KLF18: variants seen among roughly 807,000 people sequenced by gnomAD.
KLF18 encodes KLF transcription factor 18, also known as Kruppel-like factor 18.
Position 44,141,048 on chromosome 1 carries a change from G to A in KLF18, c.584C>T (p.Thr195Ile), listed in dbSNP as rs967054253. The A allele has an allele frequency of 2.3e-5, 9 of 398,416 alleles. No individual in the cohort carries two copies. The highest frequency in any genetic ancestry group is 4.0e-5 in the Non-Finnish European group (9 of 226,156). The allele number at this position is 398,416 out of a possible 1,614,324, so 24.7% of individuals were successfully genotyped here. Residue 195 changes from threonine to isoleucine, a missense_variant, in exon 1 of 2, where the codon ACT (threonine) becomes ATT (isoleucine). Thr to Ile is a moderately conservative substitution (Grantham distance 89). Transcript: ENST00000634670. ...ACCGGAAGTCACTGTATGACCATCA[G>A]TGAGGGTCTGGTCACTACTGAAGGT... ...QVTFSSDQTL[T>I]DGHTVTSGSD...
At position 44,140,318 on chromosome 1, in the gene KLF18, AGTG is replaced by A; in HGVS notation, c.1311_1313del (p.Thr438del). ...GCTCTCCACAGAGGTTCTGGTTACC[AGTG>A]GAGGTCGTCATCTGCCCTCCACAGA... is the stretch of plus-strand genomic sequence containing the variant. On this transcript the variant is annotated inframe_deletion, in exon 1 of 2. Coordinates refer to ENST00000634670, the MANE Select transcript of KLF18 (RefSeq NM_001358438.1). 2.1e-5 allele frequency: 6 copies of A among 281,660 alleles called. No individual in the cohort carries two copies. Among genetic ancestry groups the A allele is most frequent in the Non-Finnish European group, 3.0e-5 (5 of 166,638 alleles). 17.4% of individuals were successfully genotyped at this position (281,660 alleles called of 1,614,324 possible). A position where few individuals can be genotyped will look rare whatever the true frequency, so the allele number is the denominator to read the frequency against.
rs1165869854 is a variant in KLF18 at position 44,140,467 on chromosome 1, C to A, written c.1165G>T (p.Gly389Trp). ...CCAGTGGAGGTCATCATCTGCCCCCCATAGAGGTTCTGGTTACCAGTGGAG... is the reference window on the plus strand; with the variant it reads ...CCAGTGGAGGTCATCATCTGCCCCCAATAGAGGTTCTGGTTACCAGTGGAG... ...TTSTGNQNLY[G>W]GQMMTSTGNQ... Residue 389 changes from glycine to tryptophan, a missense_variant, in exon 1 of 2, where the codon GGG becomes TGG. Coordinates refer to ENST00000634670, the MANE Select transcript of KLF18 (RefSeq NM_001358438.1). 1 of 330,464 alleles carries A rather than the reference C, an allele frequency of 3.0e-6. No homozygotes were observed. The highest frequency in any genetic ancestry group is 5.8e-5 in the Admixed American group (1 of 17,346). 20.5% of individuals were successfully genotyped at this position (330,464 alleles called of 1,614,324 possible).
chr1:44,140,782 C>G lies in KLF18; in HGVS notation c.850G>C (p.Ala284Pro). Residue 284 changes from alanine to proline, a missense_variant, in exon 1 of 2, where the codon GCT (alanine) becomes CCT (proline). Ala to Pro is a conservative substitution (Grantham distance 27). Coordinates refer to ENST00000634670, the MANE Select transcript of KLF18 (RefSeq NM_001358438.1). ...ALYGGQMTTS[A>P]SNQTLCGEQM... ...TCTCCACAGAGGGTCTGGTTACTAGCGGAGGTCGTCATCTGCCCCCCATAG... is the reference window on the plus strand; with the variant it reads ...TCTCCACAGAGGGTCTGGTTACTAGGGGAGGTCGTCATCTGCCCCCCATAG... The G allele has an allele frequency of 3.2e-6, 1 of 309,728 alleles. No homozygotes were observed. Among genetic ancestry groups the G allele is most frequent in the Non-Finnish European group, 5.6e-6 (1 of 180,178 alleles). 19.2% of individuals were successfully genotyped at this position (309,728 alleles called of 1,614,324 possible). A position where few individuals can be genotyped will look rare whatever the true frequency, so the allele number is the denominator to read the frequency against.
chr1:44,139,333 C>T lies in KLF18; in HGVS notation c.2299G>A (p.Gly767Arg), dbSNP rs1016206769. 17 of 343,588 alleles carry T rather than the reference C, an allele frequency of 4.9e-5. No homozygotes were observed. The highest frequency in any genetic ancestry group is 1.4e-4 in the African/African-American group (6 of 44,380). 21.3% of individuals were successfully genotyped at this position (343,588 alleles called of 1,614,324 possible). ...CTAGTAGAGGTCGTCATCTGCCCCC[C>T]GTAGAGGGCCTGGTTACCAGTGGAG... ...TTSTGNQALYGGQMTTSTSNQ... is the reference protein window; with the variant it reads ...TTSTGNQALYRGQMTTSTSNQ... Residue 767 changes from glycine (G) to arginine (R), a missense_variant, in exon 1 of 2, where the codon GGG becomes AGG. Coordinates refer to ENST00000634670, the MANE Select transcript of KLF18 (RefSeq NM_001358438.1).
At position 44,141,172 on chromosome 1, in the gene KLF18, T is replaced by C. The variant is rs1372460247; in HGVS notation, c.460A>G (p.Ser154Gly). 5.0e-6 allele frequency: 2 copies of C among 398,488 alleles called. No individual in the cohort carries two copies. The highest frequency in any genetic ancestry group is 8.8e-6 in the Non-Finnish European group (2 of 226,086). 24.7% of individuals were successfully genotyped at this position (398,488 alleles called of 1,614,324 possible). The change falls in exon 1 of 2, where the codon AGC (serine) becomes GGC (glycine). Residue 154 changes from serine (S) to glycine (G), a missense_variant. Coordinates refer to ENST00000634670, the MANE Select transcript of KLF18 (RefSeq NM_001358438.1). ...SNESSQLNTP[S>G]SDQTLNESQI... ...CTCTCATTGAGGGTCTGGTCACTGC[T>C]TGGGGTGTTCAGCTGGCTACTTTCA...
Position 44,141,075 on chromosome 1 carries a change from A to T in KLF18, c.557T>A (p.Val186Glu), listed in dbSNP as rs1449881287. ...GAGGGTCTGGTCACTACTGAAGGTCACCTGGTCCCCACAGAGAGTCTGGTT... is the reference window on the plus strand; with the variant it reads ...GAGGGTCTGGTCACTACTGAAGGTCTCCTGGTCCCCACAGAGAGTCTGGTT... ...SDNQTLCGDQ[V>E]TFSSDQTLTD... The change falls in exon 1 of 2, where the codon GTG becomes GAG. Residue 186 changes from valine to glutamate, a missense_variant. Val to Glu is a moderately radical substitution (Grantham distance 121). Coordinates refer to ENST00000634670, the MANE Select transcript of KLF18 (RefSeq NM_001358438.1). The T allele has an allele frequency of 2.5e-6, 1 of 398,422 alleles. No individual in the cohort carries two copies. The highest frequency in any genetic ancestry group is 4.4e-5 in the Admixed American group (1 of 22,684). The allele number at this position is 398,422 out of a possible 1,614,324, so 24.7% of individuals were successfully genotyped here. A position where few individuals can be genotyped will look rare whatever the true frequency, so the allele number is the denominator to read the frequency against.
rs1289750773 is a variant in KLF18 at position 44,141,428 on chromosome 1, A to G, written c.204T>C (p.Ser68=). ...CTGTCCCAGGGATGTTAGTGCATGC[A>G]GAAGTCATCATTGTGGACCCCAAGG... ...MPPLGSTMMT[S]ACTNIPGTVL... The change falls in exon 1 of 2, where the codon TCT becomes TCC. Residue 68 remains serine (S), a synonymous_variant. Transcript: ENST00000634670. 2.5e-6 allele frequency: 1 copy of G among 398,538 alleles called. No individual in the cohort carries two copies. Among genetic ancestry groups the G allele is most frequent in the African/African-American group, 2.1e-5 (1 of 48,612 alleles). The allele number at this position is 398,538 out of a possible 1,614,324, so 24.7% of individuals were successfully genotyped here.
In KLF18 at chr1:44,141,091, G is replaced by A. The variant is rs566222816; in HGVS notation, c.541C>T (p.Leu181Phe). The A allele has an allele frequency of 1.3e-5, 5 of 398,610 alleles. No homozygotes were observed. Among genetic ancestry groups the A allele is most frequent in the African/African-American group, 2.1e-5 (1 of 48,712 alleles). 24.7% of individuals were successfully genotyped at this position (398,610 alleles called of 1,614,324 possible). ...CTGAAGGTCACCTGGTCCCCACAGA[G>A]AGTCTGGTTATCACTGAGGGTCTTC... ...QMKTLSDNQT[L>F]CGDQVTFSSD... is the part of the protein sequence containing the mutation. The change falls in exon 1 of 2, where the codon CTC becomes TTC. Residue 181 changes from leucine (L) to phenylalanine (F), a missense_variant. By Grantham distance (22) the Leu-to-Phe change is conservative (BLOSUM62 0). Transcript: ENST00000634670.
rs1174896950 is a variant in KLF18 at position 44,138,859 on chromosome 1, A to T, written c.2773T>A (p.Ser925Thr). ...GGYMMSHQFSSLPYPGFLCFS... is the reference protein window; with the variant it reads ...GGYMMSHQFSTLPYPGFLCFS... ...CATAGGAATCCTGGGTATGGCAATG[A>T]TGAGAACTGATGGGACATCATATAT... The change falls in exon 1 of 2, where the codon TCA becomes ACA. Residue 925 changes from serine (S) to threonine (T), a missense_variant. Physicochemically the swap from Ser to Thr is moderately conservative, Grantham distance 58. Transcript: ENST00000634670. The T allele has an allele frequency of 1.3e-5, 5 of 398,502 alleles. No individual in the cohort carries two copies. The highest frequency in any genetic ancestry group is 2.2e-5 in the Non-Finnish European group (5 of 226,078). The allele number at this position is 398,502 out of a possible 1,614,324, so 24.7% of individuals were successfully genotyped here.
Position 44,140,495 on chromosome 1 carries a change from C to T in KLF18, c.1137G>A (p.Thr379=), listed in dbSNP as rs1204222645. ...GNQALCGGQM[T]TSTGNQNLYG... ...AGAGGTTCTGGTTACCAGTGGAGGT[C>T]GTCATCTGCCCTCCACAGAGGGCTT... Residue 379 remains threonine, a synonymous_variant, in exon 1 of 2, where the codon ACG becomes ACA. Coordinates refer to ENST00000634670, the MANE Select transcript of KLF18 (RefSeq NM_001358438.1). 40 of 337,538 alleles carry T rather than the reference C, an allele frequency of 1.2e-4. No individual in the cohort carries two copies. Among genetic ancestry groups the T allele is most frequent in the African/African-American group, 1.3e-4 (4 of 30,592 alleles). 20.9% of individuals were successfully genotyped at this position (337,538 alleles called of 1,614,324 possible). A position where few individuals can be genotyped will look rare whatever the true frequency, so the allele number is the denominator to read the frequency against.
At position 44,140,789 on chromosome 1, in the gene KLF18, C is replaced by A. The variant is rs577136970; in HGVS notation, c.843G>T (p.Thr281=). The A allele has an allele frequency of 7.5e-6, 3 of 397,426 alleles. No individual in the cohort carries two copies. Among genetic ancestry groups the A allele is most frequent in the African/African-American group, 4.1e-5 (2 of 48,206 alleles). The allele number at this position is 397,426 out of a possible 1,614,324, so 24.6% of individuals were successfully genotyped here. A position where few individuals can be genotyped will look rare whatever the true frequency, so the allele number is the denominator to read the frequency against. ...GNQALYGGQM[T]TSASNQTLCG... ...AGAGGGTCTGGTTACTAGCGGAGGT[C>A]GTCATCTGCCCCCCATAGAGGGCCT... Residue 281 remains threonine, a synonymous_variant, in exon 1 of 2, where the codon ACG becomes ACT. Coordinates refer to ENST00000634670, the MANE Select transcript of KLF18 (RefSeq NM_001358438.1).
Position 44,139,201 on chromosome 1 carries a change from G to T in KLF18, c.2431C>A (p.Gln811Lys), listed in dbSNP as rs1643203186. Residue 811 changes from glutamine to lysine, a missense_variant, in exon 1 of 2, where the codon CAG becomes AAG. Transcript: ENST00000634670. Reference protein sequence around the residue: ...STGNQALYRGQITTSTSNQTL... With the variant: ...STGNQALYRGKITTSTSNQTL... ...TGGTTACTAGTGGAGGTCGTGATCT[G>T]CCCCCTGTAGAGGGCCTGGTTACCA... 1 of 396,422 alleles carries T rather than the reference G, an allele frequency of 2.5e-6. No individual in the cohort carries two copies. The highest frequency in any genetic ancestry group is 2.1e-5 in the African/African-American group (1 of 47,806). 24.6% of individuals were successfully genotyped at this position (396,422 alleles called of 1,614,324 possible).
In KLF18 at chr1:44,138,675, C is replaced by A. The variant is rs1334144049; in HGVS notation, c.2957G>T (p.Arg986Leu). ...SKACHLRTHM[R>L]KHTGEKPYVC... ...GGGCCCTCACTCACCGGTGTGCTTG[C>A]GCATGTGGGTTCGGAGGTGGCAAGC... is the stretch of plus-strand genomic sequence containing the variant. The change falls in exon 1 of 2, where the codon CGC becomes CTC. Residue 986 changes from arginine to leucine, a missense_variant. Physicochemically the swap from Arg to Leu is moderately radical, Grantham distance 102. Transcript: ENST00000634670. 2.5e-6 allele frequency: 1 copy of A among 398,518 alleles called. No homozygotes were observed. Among genetic ancestry groups the A allele is most frequent in the Non-Finnish European group, 4.4e-6 (1 of 226,064 alleles). The allele number at this position is 398,518 out of a possible 1,614,324, so 24.7% of individuals were successfully genotyped here. A position where few individuals can be genotyped will look rare whatever the true frequency, so the allele number is the denominator to read the frequency against.
rs1309574525 is a variant in KLF18 at position 44,140,018 on chromosome 1, G to T, written c.1614C>A (p.Asn538Lys). The change falls in exon 1 of 2, where the codon AAC becomes AAA. Residue 538 changes from asparagine (N) to lysine (K), a missense_variant. Coordinates refer to ENST00000634670, the MANE Select transcript of KLF18 (RefSeq NM_001358438.1). ...TCATCTGCTCTCCACAGAGGGTCTG[G>T]TTACTAGTAGAGGTTGTCATCTGCC... Reference protein sequence around the residue: ...YGGQMTTSTSNQTLCGEQMTT... With the variant: ...YGGQMTTSTSKQTLCGEQMTT... 7.7e-6 allele frequency: 3 copies of T among 390,626 alleles called. No homozygotes were observed. Among genetic ancestry groups the T allele is most frequent in the South Asian group, 1.3e-4 (1 of 7,596 alleles). The allele number at this position is 390,626 out of a possible 1,614,324, so 24.2% of individuals were successfully genotyped here.
At position 44,141,099 on chromosome 1, in the gene KLF18, T is replaced by C. The variant is rs1643236276; in HGVS notation, c.533A>G (p.Asn178Ser). The C allele has an allele frequency of 2.5e-6, 1 of 398,554 alleles. No homozygotes were observed. 24.7% of individuals were successfully genotyped at this position (398,554 alleles called of 1,614,324 possible). Reference protein sequence around the residue: ...LGDQMKTLSDNQTLCGDQVTF... With the variant: ...LGDQMKTLSDSQTLCGDQVTF... The stretch of plus-strand genomic sequence containing the variant: ...CACCTGGTCCCCACAGAGAGTCTGG[T>C]TATCACTGAGGGTCTTCATCTGATC... Residue 178 changes from asparagine to serine, a missense_variant, in exon 1 of 2, where the codon AAC (asparagine) becomes AGC (serine). Transcript: ENST00000634670.
chr1:44,138,475 C>T (rs887556554), intron 1 of KLF18, among the ~76,000 whole-genome samples, 189 bp downstream of exon 1: 1 of 140,076 alleles, frequency 7.1e-6, no homozygotes, highest in African/African-American at 2.5e-5. Flanking sequence ...AGGACTAGAG[C>T]CTGTCCCTGG....
At position 44,141,533 on chromosome 1, in the gene KLF18, TGGTGCATCTG is replaced by T. The variant is rs1022192863; in HGVS notation, c.89_98del (p.Pro30GlnfsTer9). On this transcript the variant is annotated frameshift_variant, in exon 1 of 2. Transcript: ENST00000634670. LOFTEE classifies it high-confidence loss of function. Reference sequence around the variant, plus strand: ...TCAGAGGCATACAGTTCTGTGGTTCTGGTGCATCTGGGGTTTCTGCCTGTTCTGTATGCCG... The same window carrying T: ...TCAGAGGCATACAGTTCTGTGGTTCTGGGTTTCTGCCTGTTCTGTATGCCG... 2.5e-6 allele frequency: 1 copy of T among 398,538 alleles called. No individual in the cohort carries two copies. Among genetic ancestry groups the T allele is most frequent in the African/African-American group, 2.1e-5 (1 of 48,626 alleles). 24.7% of individuals were successfully genotyped at this position (398,538 alleles called of 1,614,324 possible).
Position 44,139,071 on chromosome 1 carries a change from A to AAAT in KLF18, c.2560_2561insATT (p.Met854delinsAsnLeu), listed in dbSNP as rs144185657. The AAAT allele has an allele frequency of 3.7e-6, 1 of 270,768 alleles. No homozygotes were observed. The highest frequency in any genetic ancestry group is 8.5e-5 in the African/African-American group (1 of 11,718). 16.8% of individuals were successfully genotyped at this position (270,768 alleles called of 1,614,324 possible). A position where few individuals can be genotyped will look rare whatever the true frequency, so the allele number is the denominator to read the frequency against. On this transcript the variant is annotated protein_altering_variant, in exon 1 of 2. Transcript: ENST00000634670. ...GTTCTGGTTACCAGTGGAGGTCATC[A>AAAT]TCTGCCCCCCATAGAGGGCCTGGTT...
Position 44,141,573 on chromosome 1 carries a change from G to A in KLF18, c.59C>T (p.Ser20Phe), listed in dbSNP as rs938327179. ...EEIEKFFQHL[S>F]ERHTEQAETP... ...TTCTGCCTGTTCTGTATGCCGCTCA[G>A]AGAGATGCTGGAAAAATTTCTCAAT... The change falls in exon 1 of 2, where the codon TCT (serine) becomes TTT (phenylalanine). Residue 20 changes from serine to phenylalanine, a missense_variant. Coordinates refer to ENST00000634670, the MANE Select transcript of KLF18 (RefSeq NM_001358438.1). 1 of 398,514 alleles carries A rather than the reference G, an allele frequency of 2.5e-6. No homozygotes were observed. The highest frequency in any genetic ancestry group is 4.4e-6 in the Non-Finnish European group (1 of 226,112). 24.7% of individuals were successfully genotyped at this position (398,514 alleles called of 1,614,324 possible).
Sources: gnomAD v4.1 joint callset for allele counts (sites outside exome capture counted in the v4.1 genomes callset) on GRCh38, gnomAD v4.1.1 for gene constraint, MANE v1.5 for transcripts, NCBI Gene and HGNC (gene_info 2026-07-23, HGNC 2026-07-21) for gene names.